DEGS1: variants seen among roughly 807,000 people sequenced by gnomAD.
The protein encoded by DEGS1 is delta 4-desaturase, sphingolipid 1, also known as sphingolipid delta(4)-desaturase DES1.
Under a neutral mutation model 24.1 loss-of-function variants are expected in DEGS1, and 17 were observed. That is an observed-to-expected ratio of 0.70 (90% confidence interval 0.48 to 1.06). The LOEUF is 1.06. Among genes scored for constraint, DEGS1 ranks in the 50% least tolerant of loss-of-function variants. The pLI is 0.00. For synonymous variants in DEGS1, 134 were observed against 140.0 expected (o/e 0.96, Z 0.30); for missense variants, 366 against 408.9 (o/e 0.90, Z 0.91).
chr1:224,189,513 A>C, intron 1 of DEGS1, 64 bp from the exon 2 acceptor site: 1 of 1,246,052 alleles, frequency 8.0e-7, no homozygotes, highest in South Asian at 1.5e-5. Flanking sequence ...GTGTTAATTT[A>C]ATTATAATTG....
intron 1 of DEGS1, among the ~76,000 whole-genome samples, chr1:224,184,573 G>A (rs138472270): frequency 9.5e-4 from 145 of 152,016 alleles, no homozygotes; most frequent in Middle Eastern, 3.4e-3. Context: ...GTGCAGTGGC[G>A]CGATCTCCAC....
Position 224,193,194 on chromosome 1 carries a change from C to G in DEGS1, c.*716C>G, listed in dbSNP as rs1658590128. 1 of 152,082 alleles carries G rather than the reference C, an allele frequency of 6.6e-6. No homozygotes were observed. The highest frequency in any genetic ancestry group is 1.5e-5 in the Non-Finnish European group (1 of 68,034). The allele number at this position is 152,082 out of a possible 1,614,324, so 9.4% of individuals were successfully genotyped here. On this transcript the variant is annotated 3_prime_UTR_variant, in exon 3 of 3. Coordinates refer to ENST00000323699, the MANE Select transcript of DEGS1 (RefSeq NM_003676.4). ...GTATTTGTTACATTTTTGTATTTCA[C>G]TATCTTTATACTATATAATATGGTA... is the stretch of plus-strand genomic sequence containing the variant.
intron 1 of DEGS1, 115 bp from the exon 2 acceptor site, chr1:224,189,462 A>T: frequency 1.3e-6 from 1 of 745,706 alleles, no homozygotes. Flanking sequence ...TAGTAAAGGG[A>T]ATATGATTTA....
At chr1:224,185,555 A>G (rs1326314818) in intron 1 of DEGS1, among the ~76,000 whole-genome samples, 3 of 152,204 alleles carry the variant, frequency 2.0e-5, no homozygotes, top group Non-Finnish European at 2.9e-5. Flanking sequence ...GCTGGAGTGC[A>G]GTGGCCCAGT....
intron 1 of DEGS1, chr1:224,183,949 G>C (rs911875695): frequency 6.5e-6 from 1 of 152,778 alleles, no homozygotes; most frequent in Non-Finnish European, 1.5e-5. Flanking sequence ...CAGTACTGGC[G>C]GGGGCGGCCG....
At chr1:224,184,443 T>G (rs192045171) in intron 1 of DEGS1, among the ~76,000 whole-genome samples, 5 of 149,114 alleles carry the variant, frequency 3.4e-5, no homozygotes, top group Admixed American at 6.8e-5. Flanking sequence ...TTCGGTTGCC[T>G]CTTCCAGAGC....
Position 224,183,306 on chromosome 1 carries a change from G to C in DEGS1, c.-31G>C, listed in dbSNP as rs1402113991. The stretch of plus-strand genomic sequence containing the variant: ...GAGCAGCCGGCTGGGAGCGAGAGCC[G>C]ACAGCTAGTCTGCAAGCCACCGCTG... On this transcript the variant is annotated 5_prime_UTR_variant, in exon 1 of 3. Coordinates refer to ENST00000323699, the MANE Select transcript of DEGS1 (RefSeq NM_003676.4). The C allele has an allele frequency of 6.8e-7, 1 of 1,474,232 alleles. No individual in the cohort carries two copies. The highest frequency in any genetic ancestry group is 9.0e-7 in the Non-Finnish European group (1 of 1,110,044). The allele number at this position is 1,474,232 out of a possible 1,614,324, so 91.3% of individuals were successfully genotyped here.
In DEGS1 at chr1:224,184,268, C is replaced by G. The variant is rs577167914; in HGVS notation, c.82+850C>G. Among the ~76,000 whole-genome samples, 18 of 152,310 alleles carry G rather than the reference C, an allele frequency of 1.2e-4. No homozygotes were observed. In the South Asian group the frequency reaches 3.7e-3, roughly 32 times the overall value. ...GGCCTTCTGTGTTACATAGAGAATG[C>G]TCATCTCTCCCAGGCTACTCCTAAT... On this transcript the variant is annotated intron_variant, in intron 1 of 2. Coordinates refer to ENST00000323699, the MANE Select transcript of DEGS1 (RefSeq NM_003676.4).
In DEGS1 at chr1:224,192,782, G is replaced by A. The variant is rs1289762185; in HGVS notation, c.*304G>A. ...TCTAAAAAGCTATTTCGCCAGGCAC[G>A]GTGGCTCATGCCTATAATCCCAGCA... is the stretch of plus-strand genomic sequence containing the variant. On this transcript the variant is annotated 3_prime_UTR_variant, in exon 3 of 3. Transcript: ENST00000323699. 29 of 271,916 alleles carry A rather than the reference G, an allele frequency of 1.1e-4. No individual in the cohort carries two copies. The highest frequency in any genetic ancestry group is 9.1e-4 in the South Asian group (24 of 26,366). The allele number at this position is 271,916 out of a possible 1,614,324, so 16.8% of individuals were successfully genotyped here. A position where few individuals can be genotyped will look rare whatever the true frequency, so the allele number is the denominator to read the frequency against.
At chr1:224,186,276 C>G (rs1658388456) in intron 1 of DEGS1, among the ~76,000 whole-genome samples, 1 of 152,088 alleles carries the variant, frequency 6.6e-6, no homozygotes, top group Admixed American at 6.6e-5. Context: ...CCACCGCGTT[C>G]CAGCCTGGGC....
intron 1 of DEGS1, among the ~76,000 whole-genome samples, chr1:224,184,970 TACACACACACACACAC>T (rs58790626): frequency 1.9e-4 from 28 of 148,692 alleles, no homozygotes; most frequent in Non-Finnish European, 2.5e-4. Context: ...GCCCCCCGTT[TACACACACACACACAC>T]ACACACACAC....
At chr1:224,190,928 C>T (rs897815416) in intron 2 of DEGS1, among the ~76,000 whole-genome samples, 6 of 151,964 alleles carry the variant, frequency 3.9e-5, no homozygotes, top group Admixed American at 6.6e-5. Context: ...TGCTGTGTTG[C>T]TCAGGCTGGT....
chr1:224,183,295 G>A lies in DEGS1; in HGVS notation c.-42G>A. The A allele has an allele frequency of 6.8e-7, 1 of 1,462,236 alleles. No individual in the cohort carries two copies. The highest frequency in any genetic ancestry group is 9.1e-7 in the Non-Finnish European group (1 of 1,102,362). 90.6% of individuals were successfully genotyped at this position (1,462,236 alleles called of 1,614,324 possible). A position where few individuals can be genotyped will look rare whatever the true frequency, so the allele number is the denominator to read the frequency against. On this transcript the variant is annotated 5_prime_UTR_variant, in exon 1 of 3. Coordinates refer to ENST00000323699, the MANE Select transcript of DEGS1 (RefSeq NM_003676.4). ...CCGCCACCTCTGAGCAGCCGGCTGGGAGCGAGAGCCGACAGCTAGTCTGCA... is the reference window on the plus strand; with the variant it reads ...CCGCCACCTCTGAGCAGCCGGCTGGAAGCGAGAGCCGACAGCTAGTCTGCA...
intron 1 of DEGS1, 22 bp downstream of exon 1, chr1:224,183,440 G>C (rs1357381436): frequency 7.4e-7 from 1 of 1,356,782 alleles, no homozygotes. Context: ...CGGGCGCCCC[G>C]TTATGTGCGT....
chr1:224,186,256 C>T (rs563876600), intron 1 of DEGS1, among the ~76,000 whole-genome samples: 2 of 152,048 alleles, frequency 1.3e-5, no homozygotes, highest in South Asian at 4.2e-4. Flanking sequence ...TGCAGTGAGC[C>T]GTGATTGCCC....
At chr1:224,189,148 T>TG (rs1658469788) in intron 1 of DEGS1, among the ~76,000 whole-genome samples, 1 of 152,206 alleles carries the variant, frequency 6.6e-6, no homozygotes, top group African/African-American at 2.4e-5. Flanking sequence ...CAGAATTACT[T>TG]GGAGCATGTT....
At chr1:224,186,870 A>T (rs563215685) in intron 1 of DEGS1, among the ~76,000 whole-genome samples, 1 of 152,216 alleles carries the variant, frequency 6.6e-6, no homozygotes, top group Non-Finnish European at 1.5e-5. Context: ...TTTAAATTAT[A>T]CACAAATGAT....
At chr1:224,191,798 T>C (rs1401294490) in intron 2 of DEGS1, among the ~76,000 whole-genome samples, 1 of 151,908 alleles carries the variant, frequency 6.6e-6, no homozygotes, top group Non-Finnish European at 1.5e-5. Context: ...GGTTTCACCA[T>C]ATTGGTTAGG....
chr1:224,187,379 A>C (rs1658421418), intron 1 of DEGS1, among the ~76,000 whole-genome samples: 1 of 151,992 alleles, frequency 6.6e-6, no homozygotes, highest in Non-Finnish European at 1.5e-5. Context: ...CAGCTTTTTA[A>C]TGTTTTATTT....
Sources: gnomAD v4.1 joint callset for allele counts (sites outside exome capture counted in the v4.1 genomes callset) on GRCh38, gnomAD v4.1.1 for gene constraint, MANE v1.5 for transcripts, NCBI Gene and HGNC (gene_info 2026-07-23, HGNC 2026-07-21) for gene names.